Variants in LSAMP observed in about 807,000 individuals in gnomAD.
The protein encoded by LSAMP is limbic system-associated membrane protein.
LSAMP carries 7 observed loss-of-function variants against 38.6 expected under a neutral mutation model. That is an observed-to-expected ratio of 0.18 (90% CI 0.10 to 0.34). LSAMP has a LOEUF of 0.34. Among genes scored for constraint, LSAMP ranks in the 10% least tolerant of loss-of-function variants. The pLI, the probability that LSAMP is intolerant of heterozygous loss-of-function variation, is 1.00. For synonymous variants in LSAMP, 154 were observed against 166.8 expected (o/e 0.92, Z 0.59); for missense variants, 313 against 420.0 (o/e 0.75, Z 2.23).
chr3:116,252,622 C>T (rs1382657377), intron 1 of LSAMP, among the ~76,000 whole-genome samples: 1 of 152,116 alleles, frequency 6.6e-6, no homozygotes, highest in Non-Finnish European at 1.5e-5. Flanking sequence ...TCTCGTGATT[C>T]TAAGTGACTA....
intron 3 of LSAMP, among the ~76,000 whole-genome samples, chr3:115,973,049 G>A (rs9815418): frequency 0.41 from 61,759 of 151,806 alleles, 13,160 homozygotes; most frequent in African/African-American, 0.54. Flanking sequence ...GTTTAAATGC[G>A]GTATTGGATC....
intron 1 of LSAMP, among the ~76,000 whole-genome samples, chr3:116,172,778 T>A (rs1330156553): frequency 1.3e-5 from 2 of 152,034 alleles, no homozygotes; most frequent in Non-Finnish European, 2.9e-5. Context: ...ATTAGTGTAA[T>A]GGATGTTTAG....
intron 1 of LSAMP, among the ~76,000 whole-genome samples, chr3:116,316,242 T>C (rs2047627483): frequency 6.6e-6 from 1 of 152,160 alleles, no homozygotes; most frequent in South Asian, 2.1e-4. Context: ...GATACTGAAT[T>C]GAAACTACTA....
intron 1 of LSAMP, among the ~76,000 whole-genome samples, chr3:116,153,082 T>C (rs866640151): frequency 6.6e-6 from 1 of 152,088 alleles, no homozygotes; most frequent in Non-Finnish European, 1.5e-5. Flanking sequence ...CAAAAATATC[T>C]ATATTAAGAA....
intron 1 of LSAMP, among the ~76,000 whole-genome samples, chr3:116,294,361 G>GTCTT (rs1386899469): frequency 4.6e-5 from 7 of 152,142 alleles, no homozygotes; most frequent in African/African-American, 1.4e-4. Context: ...TGACTGCTGA[G>GTCTT]TCTTACTACA....
chr3:116,190,100 C>CAG (rs1445134723), intron 1 of LSAMP, among the ~76,000 whole-genome samples: 26 of 148,564 alleles, frequency 1.8e-4, no homozygotes, highest in South Asian at 4.2e-4. Context: ...CACACACACA[C>CAG]ACACACACAC....
chr3:116,220,185 A>AACACAGAC (rs1553714687), intron 1 of LSAMP, among the ~76,000 whole-genome samples: 4 of 141,376 alleles, frequency 2.8e-5, no homozygotes, highest in African/African-American at 1.0e-4. Flanking sequence ...TCCATCTCAA[A>AACACAGAC]ACACACACAC....
chr3:116,256,191 C>A (rs1157269635), intron 1 of LSAMP, among the ~76,000 whole-genome samples: 1 of 152,144 alleles, frequency 6.6e-6, no homozygotes, highest in Non-Finnish European at 1.5e-5. Context: ...TGGTTCAAAG[C>A]CAGGTTTTGG....
At position 116,126,017 on chromosome 3, in the gene LSAMP, G is replaced by C. The variant is rs190460779; in HGVS notation, c.156-39461C>G. 2.0e-5 allele frequency among the ~76,000 whole-genome samples: 3 copies of C among 152,296 alleles called. No homozygotes were observed. In the East Asian group the frequency reaches 5.8e-4, roughly 29 times the overall value. Reference sequence around the variant, plus strand: ...CTTCAGCATTTTATATCCATTTGCAGACTGGATTCTTCTGCAGCCCTCAAG... The same window carrying C: ...CTTCAGCATTTTATATCCATTTGCACACTGGATTCTTCTGCAGCCCTCAAG... On this transcript the variant is annotated intron_variant, in intron 1 of 6. Coordinates refer to ENST00000490035, the MANE Select transcript of LSAMP (RefSeq NM_002338.5).
intron 2 of LSAMP, among the ~76,000 whole-genome samples, chr3:116,082,699 T>C (rs1707898116): frequency 6.6e-6 from 1 of 152,158 alleles, no homozygotes; most frequent in Non-Finnish European, 1.5e-5. Flanking sequence ...TGAAATATTA[T>C]GCAGCCATAA....
intron 1 of LSAMP, among the ~76,000 whole-genome samples, chr3:116,433,012 T>A (rs559714484): frequency 3.9e-5 from 6 of 152,302 alleles, no homozygotes; most frequent in Admixed American, 3.9e-4. Flanking sequence ...GTGACAGCGA[T>A]CTTTAGTTAT....
In LSAMP at chr3:116,313,242, G is replaced by A. The variant is rs1341451071; in HGVS notation, c.155+131635C>T. 2.0e-5 allele frequency among the ~76,000 whole-genome samples: 3 copies of A among 152,178 alleles called. 1 individual carries two copies. In the South Asian group the frequency reaches 6.2e-4, roughly 32 times the overall value. On this transcript the variant is annotated intron_variant, in intron 1 of 6. Transcript: ENST00000490035. ...GCTCTGCAACACTCGGCAGTACTCT[G>A]TTGGAGTCACAGGAAACAAAATGTG...
intron 1 of LSAMP, among the ~76,000 whole-genome samples, chr3:116,241,743 T>C (rs1209244129): frequency 1.3e-5 from 2 of 152,234 alleles, no homozygotes; most frequent in Admixed American, 1.3e-4. Flanking sequence ...TTCTGAGGGT[T>C]GGGTGCATCT....
intron 1 of LSAMP, among the ~76,000 whole-genome samples, chr3:116,437,913 T>C (rs2049377005): frequency 6.6e-6 from 1 of 152,164 alleles, no homozygotes; most frequent in Admixed American, 6.5e-5. Context: ...AATGAGATGG[T>C]GGACTGCCTA....
intron 1 of LSAMP, among the ~76,000 whole-genome samples, chr3:116,176,705 C>T (rs1710353217): frequency 6.6e-6 from 1 of 152,068 alleles, no homozygotes; most frequent in Non-Finnish European, 1.5e-5. Context: ...CATGGAGAGA[C>T]TCAGTAGATA....
chr3:116,253,443 G>A (rs1033866420), intron 1 of LSAMP, among the ~76,000 whole-genome samples: 1 of 152,182 alleles, frequency 6.6e-6, no homozygotes, highest in African/African-American at 2.4e-5. Flanking sequence ...GATACATATA[G>A]CATGTTTTTA....
intron 1 of LSAMP, among the ~76,000 whole-genome samples, chr3:116,390,100 T>G (rs547736859): frequency 6.6e-6 from 1 of 151,250 alleles, no homozygotes; most frequent in South Asian, 2.1e-4. Context: ...TCAATGTATC[T>G]TCTATACTTA....
intron 2 of LSAMP, among the ~76,000 whole-genome samples, chr3:116,027,000 G>C (rs1940806274): frequency 6.6e-6 from 1 of 152,192 alleles, no homozygotes. Flanking sequence ...AGATAAAATA[G>C]TGTACCTAGT....
At chr3:116,236,171 T>G (rs2046463635) in intron 1 of LSAMP, among the ~76,000 whole-genome samples, 1 of 152,162 alleles carries the variant, frequency 6.6e-6, no homozygotes. Context: ...TCATTTTATC[T>G]CCAAAATATA....
Sources: gnomAD v4.1 joint callset for allele counts (sites outside exome capture counted in the v4.1 genomes callset) on GRCh38, gnomAD v4.1.1 for gene constraint, MANE v1.5 for transcripts, NCBI Gene and HGNC (gene_info 2026-07-23, HGNC 2026-07-21) for gene names.